Variants in FGGY observed in about 807,000 individuals in gnomAD.
FGGY encodes the protein FGGY carbohydrate kinase domain containing, also known as FGGY carbohydrate kinase domain-containing protein.
In FGGY, 72 loss-of-function variants were observed where a neutral mutation model predicts 71.3. That is an observed-to-expected ratio of 1.01 (90% CI 0.84 to 1.23). The LOEUF is 1.23. FGGY is among the 50% of genes most tolerant of loss of function. FGGY has a pLI of 0.00. For missense variants in FGGY, 668 were observed against 682.3 expected, an observed-to-expected ratio of 0.98 and a Z score of 0.23; for synonymous variants, 251 against 250.3, an observed-to-expected ratio of 1.00 and a Z score of -0.02.
chr1:59,653,736 G>A (rs1169351608), intron 11 of FGGY, among the ~76,000 whole-genome samples: 1 of 152,244 alleles, frequency 6.6e-6, no homozygotes, highest in Non-Finnish European at 1.5e-5. Context: ...GCTGGGAGCT[G>A]TAGACTGGAG....
chr1:59,682,791 G>A (rs970480395), intron 14 of FGGY, among the ~76,000 whole-genome samples: 1 of 152,202 alleles, frequency 6.6e-6, no homozygotes, highest in African/African-American at 2.4e-5. Context: ...CACCCACCCT[G>A]GACTATTCAG....
chr1:59,677,031 A>G (rs2153983605), intron 14 of FGGY, among the ~76,000 whole-genome samples: 1 of 152,300 alleles, frequency 6.6e-6, no homozygotes, highest in African/African-American at 2.4e-5. Flanking sequence ...TGAAAGTTCC[A>G]GTGACCTCTC....
intron 15 of FGGY, among the ~76,000 whole-genome samples, 167 bp from the exon 16 acceptor site, chr1:59,762,336 T>C (rs1284784619): frequency 6.6e-6 from 1 of 152,206 alleles, no homozygotes; most frequent in Non-Finnish European, 1.5e-5. Flanking sequence ...AGGTCACATA[T>C]AATAGGTCTG....
At chr1:59,458,718 A>G (rs2091935639) in intron 6 of FGGY, among the ~76,000 whole-genome samples, 1 of 152,248 alleles carries the variant, frequency 6.6e-6, no homozygotes, top group Non-Finnish European at 1.5e-5. Flanking sequence ...GAGACATATC[A>G]TTAAGCAGAA....
intron 1 of FGGY, among the ~76,000 whole-genome samples, chr1:59,299,358 G>A (rs1363471237): frequency 6.6e-6 from 1 of 152,148 alleles, no homozygotes; most frequent in Admixed American, 6.5e-5. Flanking sequence ...TCTTAGGGGA[G>A]TTTGAAATAT....
At chr1:59,745,855 C>T (rs2098192298) in intron 14 of FGGY, among the ~76,000 whole-genome samples, 2 of 152,072 alleles carry the variant, frequency 1.3e-5, no homozygotes. Context: ...TGGAGAAGGA[C>T]ATTTGCTAAG....
At chr1:59,469,153 A>G (rs1294563943) in intron 6 of FGGY, among the ~76,000 whole-genome samples, 1 of 152,238 alleles carries the variant, frequency 6.6e-6, no homozygotes, top group East Asian at 1.9e-4. Context: ...GCACTTGATC[A>G]GATTGATTCA....
At chr1:59,328,574 G>A (rs920045398) in intron 2 of FGGY, among the ~76,000 whole-genome samples, 11 of 152,132 alleles carry the variant, frequency 7.2e-5, no homozygotes, top group African/African-American at 2.2e-4. Flanking sequence ...CTGGAGTAGC[G>A]CTTTTAGTTT....
intron 7 of FGGY, among the ~76,000 whole-genome samples, chr1:59,550,726 C>G (rs950079133): frequency 1.3e-5 from 2 of 152,182 alleles, no homozygotes; most frequent in Admixed American, 6.5e-5. Flanking sequence ...GCCCATGGCT[C>G]TCACTGAGTT....
At chr1:59,652,029 T>G (rs920420585) in intron 11 of FGGY, among the ~76,000 whole-genome samples, 1 of 149,908 alleles carries the variant, frequency 6.7e-6, no homozygotes, top group African/African-American at 2.4e-5. Context: ...TTTGGCTGGA[T>G]ATGAAATTCT....
intron 14 of FGGY, among the ~76,000 whole-genome samples, chr1:59,678,004 A>G (rs927712156): frequency 6.6e-6 from 1 of 152,188 alleles, no homozygotes; most frequent in South Asian, 2.1e-4. Context: ...GACTAATACT[A>G]TCTTAAAGAG....
intron 5 of FGGY, among the ~76,000 whole-genome samples, chr1:59,438,203 G>T (rs980870584): frequency 1.3e-5 from 2 of 152,198 alleles, no homozygotes; most frequent in East Asian, 3.8e-4. Context: ...GTTTCAGAGA[G>T]TTGCCCAAGA....
At chr1:59,578,113 G>T (rs1274161199) in intron 8 of FGGY, among the ~76,000 whole-genome samples, 1 of 152,124 alleles carries the variant, frequency 6.6e-6, no homozygotes, top group Non-Finnish European at 1.5e-5. Context: ...GTTGATGATT[G>T]TATCTGAGAG....
chr1:59,371,785 G>A (rs983832191), intron 4 of FGGY, among the ~76,000 whole-genome samples: 1 of 152,094 alleles, frequency 6.6e-6, no homozygotes, highest in Non-Finnish European at 1.5e-5. Context: ...CATGGAAACT[G>A]AACAACCTGC....
chr1:59,600,812 T>C (rs571622115), intron 8 of FGGY, among the ~76,000 whole-genome samples: 2 of 152,288 alleles, frequency 1.3e-5, no homozygotes, highest in East Asian at 3.9e-4. Context: ...GTCAGACTCC[T>C]AAGTCTGTGC....
intron 5 of FGGY, among the ~76,000 whole-genome samples, chr1:59,392,255 G>T (rs1379932388): frequency 6.6e-6 from 1 of 152,138 alleles, no homozygotes; most frequent in Non-Finnish European, 1.5e-5. Flanking sequence ...GTAGTCTCAA[G>T]AACCTTGGTA....
At chr1:59,735,466 A>T (rs1464705884) in intron 14 of FGGY, among the ~76,000 whole-genome samples, 1 of 152,166 alleles carries the variant, frequency 6.6e-6, no homozygotes, top group Non-Finnish European at 1.5e-5. Context: ...GTTCACTCTT[A>T]TGAGAGCATT....
chr1:59,561,269 G>A (rs1050406752), intron 8 of FGGY, among the ~76,000 whole-genome samples: 5 of 152,140 alleles, frequency 3.3e-5, no homozygotes, highest in Admixed American at 6.5e-5. Flanking sequence ...AAGGTGCCTC[G>A]CTTCCTCTTT....
At chr1:59,699,039 A>C in intron 14 of FGGY, 4 of 985,426 alleles carry the variant, frequency 4.1e-6, no homozygotes, top group Non-Finnish European at 4.8e-6. Flanking sequence ...TCAAACTAAC[A>C]TAGCTACATT....
Sources: allele counts gnomAD v4.1 joint callset (sites outside exome capture counted in the v4.1 genomes callset), GRCh38; gene constraint gnomAD v4.1.1; transcripts MANE v1.5; gene names NCBI Gene and HGNC (gene_info 2026-07-23, HGNC 2026-07-21).